The following CADM2 variants were observed in gnomAD, a reference collection of about 807,000 sequenced individuals.
The protein encoded by CADM2 is cell adhesion molecule 2, also known as immunoglobulin superfamily member 4D.
A neutral mutation model predicts 49.8 loss-of-function variants in CADM2; 12 were observed. That is an observed-to-expected ratio of 0.24 (90% CI 0.15 to 0.39). The LOEUF is 0.39. CADM2 is among the 10% of genes least tolerant of loss of function. CADM2 has a pLI of 1.00. For missense variants in CADM2, 378 were observed against 492.3 expected, an observed-to-expected ratio of 0.77 and a Z score of 2.20; for synonymous variants, 214 against 175.4, an observed-to-expected ratio of 1.22 and a Z score of -1.74.
At chr3:85,313,960 G>A (rs1332205280) in intron 1 of CADM2, among the ~76,000 whole-genome samples, 6 of 152,110 alleles carry the variant, frequency 3.9e-5, no homozygotes, top group Non-Finnish European at 5.9e-5. Flanking sequence ...GTGCGATCTC[G>A]ACTCACTGCA....
intron 8 of CADM2, among the ~76,000 whole-genome samples, chr3:85,971,159 G>A (rs762113710): frequency 6.6e-6 from 1 of 151,516 alleles, no homozygotes; most frequent in Non-Finnish European, 1.5e-5. Flanking sequence ...GATAATTAGA[G>A]AATAGGAGGC....
At chr3:85,547,008 T>C (rs907988391) in intron 1 of CADM2, among the ~76,000 whole-genome samples, 3 of 152,088 alleles carry the variant, frequency 2.0e-5, no homozygotes, top group African/African-American at 7.2e-5. Flanking sequence ...AAAAGAAATT[T>C]ATTTTTCTTA....
intron 1 of CADM2, among the ~76,000 whole-genome samples, chr3:85,183,451 A>G (rs933544200): frequency 6.6e-6 from 1 of 152,130 alleles, no homozygotes; most frequent in African/African-American, 2.4e-5. Context: ...AAAACACGCA[A>G]TATGTTCCAT....
chr3:85,208,294 T>C (rs1262923196), intron 1 of CADM2, among the ~76,000 whole-genome samples: 3 of 152,124 alleles, frequency 2.0e-5, no homozygotes, highest in Non-Finnish European at 4.4e-5. Context: ...GTAACGTTAC[T>C]AGAAACGTTT....
intron 1 of CADM2, among the ~76,000 whole-genome samples, chr3:85,572,191 G>T (rs1403562030): frequency 6.6e-6 from 1 of 152,170 alleles, no homozygotes; most frequent in East Asian, 1.9e-4. Context: ...CAGCTACTGG[G>T]AAGGCTGAGA....
At chr3:85,070,988 CAATAAATA>C (rs375122307) in intron 1 of CADM2, among the ~76,000 whole-genome samples, 270 of 143,348 alleles carry the variant, frequency 1.9e-3, no homozygotes, top group Middle Eastern at 0.011. Context: ...AACTCTGTCT[CAATAAATA>C]AATAAATAAA....
rs899633195 is a variant in CADM2 at position 85,799,495 on chromosome 3, C to T, written c.89-2552C>T. On this transcript the variant is annotated intron_variant, in intron 2 of 9. Transcript: ENST00000383699. ...TTTAGCATGAAGGGGTGTTGAATTTCGTCAAAGGCCTTTTCTTTATCTATT... is the reference window on the plus strand; with the variant it reads ...TTTAGCATGAAGGGGTGTTGAATTTTGTCAAAGGCCTTTTCTTTATCTATT... 7.9e-5 allele frequency among the ~76,000 whole-genome samples: 12 copies of T among 152,188 alleles called. No individual in the cohort carries two copies. The East Asian group carries it at 1.4e-3, about 17-fold the overall frequency.
intron 1 of CADM2, among the ~76,000 whole-genome samples, chr3:85,117,927 G>T (rs1278340329): frequency 6.6e-6 from 1 of 152,092 alleles, no homozygotes; most frequent in African/African-American, 2.4e-5. Flanking sequence ...CTTTCATGAG[G>T]CTTTTCACAA....
intron 8 of CADM2, among the ~76,000 whole-genome samples, chr3:85,998,206 T>A (rs1405134764): frequency 6.6e-6 from 1 of 152,156 alleles, no homozygotes; most frequent in African/African-American, 2.4e-5. Context: ...ATATAGCATA[T>A]GTATTTTTTT....
intron 3 of CADM2, among the ~76,000 whole-genome samples, chr3:85,856,268 G>A (rs7644190): frequency 1.3e-5 from 2 of 151,842 alleles, no homozygotes; most frequent in Non-Finnish European, 2.9e-5. Flanking sequence ...TTATTCCTTT[G>A]AGAAATCTAT....
intron 1 of CADM2, among the ~76,000 whole-genome samples, chr3:85,478,028 C>A (rs1407677940): frequency 1.1e-4 from 17 of 151,756 alleles, no homozygotes. Context: ...TTATAATAAG[C>A]TTTTAATATC....
In CADM2 at chr3:85,792,496, C is replaced by A. The variant is rs2071394399; in HGVS notation, c.89-9551C>A. Among the ~76,000 whole-genome samples, 3 of 152,192 alleles carry A rather than the reference C, an allele frequency of 2.0e-5. No individual in the cohort carries two copies. The South Asian group carries it at 6.2e-4, about 31-fold the overall frequency. On this transcript the variant is annotated intron_variant, in intron 2 of 9. Transcript: ENST00000383699. ...ACTTAAGTTCCTCTTAAATAGCTCA[C>A]AAAATTTGATCATTGACCCTCCAAA... is the stretch of plus-strand genomic sequence containing the variant.
chr3:85,612,012 A>T (rs1433939008), intron 1 of CADM2, among the ~76,000 whole-genome samples: 1 of 151,780 alleles, frequency 6.6e-6, no homozygotes, highest in Non-Finnish European at 1.5e-5. Flanking sequence ...ACAGAAAGGG[A>T]AGGTGAATAG....
At chr3:85,053,665 G>T (rs1487520667) in intron 1 of CADM2, among the ~76,000 whole-genome samples, 2 of 151,936 alleles carry the variant, frequency 1.3e-5, no homozygotes, top group African/African-American at 4.8e-5. Flanking sequence ...TGAATACCCA[G>T]TTCTTGGAGG....
chr3:85,616,089 G>T (rs1011471101), intron 1 of CADM2, among the ~76,000 whole-genome samples: 5 of 151,840 alleles, frequency 3.3e-5, no homozygotes, highest in African/African-American at 9.7e-5. Context: ...GAGCCTCGAG[G>T]TAAGCTGTGA....
At chr3:85,816,603 C>T (rs1226343115) in intron 3 of CADM2, among the ~76,000 whole-genome samples, 1 of 151,942 alleles carries the variant, frequency 6.6e-6, no homozygotes, top group Non-Finnish European at 1.5e-5. Context: ...AATGAGAAAC[C>T]TCTATTTTTC....
At chr3:85,835,210 T>C (rs892792005) in intron 3 of CADM2, among the ~76,000 whole-genome samples, 1 of 151,548 alleles carries the variant, frequency 6.6e-6, no homozygotes, top group Non-Finnish European at 1.5e-5. Context: ...CCTCACATAC[T>C]TGTGATTAAT....
intron 1 of CADM2, among the ~76,000 whole-genome samples, chr3:85,015,220 C>T (rs1351551793): frequency 6.6e-6 from 1 of 151,772 alleles, no homozygotes; most frequent in Non-Finnish European, 1.5e-5. Flanking sequence ...TTACTTAAGC[C>T]AGAAAAAAAT....
chr3:85,369,236 A>G (rs535842552), intron 1 of CADM2, among the ~76,000 whole-genome samples: 1 of 152,346 alleles, frequency 6.6e-6, no homozygotes, highest in South Asian at 2.1e-4. Flanking sequence ...CACAGTGCTC[A>G]TGTAGTTTTT....
Sources: allele counts gnomAD v4.1 joint callset (sites outside exome capture counted in the v4.1 genomes callset), GRCh38; gene constraint gnomAD v4.1.1; transcripts MANE v1.5; gene names NCBI Gene and HGNC (gene_info 2026-07-23, HGNC 2026-07-21).